Variants in MAPK10 observed in about 807,000 individuals in gnomAD.
MAPK10 encodes the protein JNK3 alpha protein kinase.
In MAPK10, 25 loss-of-function variants were observed where a neutral mutation model predicts 59.3. The ratio of observed to expected loss-of-function variants is 0.42; its 90% confidence interval spans 0.31 to 0.59. The LOEUF is 0.59. Among genes scored for constraint, MAPK10 ranks in the 20% least tolerant of loss-of-function variants. The pLI is 0.15. For synonymous variants in MAPK10, 190 were observed against 200.5 expected (o/e 0.95, Z 0.44); for missense variants, 351 against 568.9 (o/e 0.62, Z 3.90).
intron 2 of MAPK10, among the ~76,000 whole-genome samples, chr4:86,283,344 G>T (rs2094886894): frequency 6.6e-6 from 1 of 152,140 alleles, no homozygotes. Context: ...AAACAAAGCT[G>T]ATCAATATAA....
chr4:86,022,406 T>A (rs779410193), intron 13 of MAPK10, among the ~76,000 whole-genome samples: 1 of 152,154 alleles, frequency 6.6e-6, no homozygotes, highest in Non-Finnish European at 1.5e-5. Flanking sequence ...TTGGAGAAAG[T>A]TTACTCAGCT....
chr4:86,405,673 T>C (rs1210150978), intron 1 of MAPK10, among the ~76,000 whole-genome samples: 1 of 152,232 alleles, frequency 6.6e-6, no homozygotes, highest in Non-Finnish European at 1.5e-5. Context: ...GTGAGCATCG[T>C]ATTTTTCACA....
Position 86,201,809 on chromosome 4 carries a change from G to A in MAPK10, c.-6-7402C>T, listed in dbSNP as rs149274143. Among the ~76,000 whole-genome samples the A allele has an allele frequency of 3.1e-3, 464 of 151,604 alleles. 5 individuals are homozygous for A. Among genetic ancestry groups the A allele is most frequent in the African/African-American group, 0.011 (448 of 41,420 alleles). On this transcript the variant is annotated intron_variant, in intron 2 of 13. Transcript: ENST00000641462. ...TATATTCTTTGTGAAGCTTTAAATCGTCTTTTTCTTCTTCTTTTTTTAGTG... is the reference window on the plus strand; with the variant it reads ...TATATTCTTTGTGAAGCTTTAAATCATCTTTTTCTTCTTCTTTTTTTAGTG...
intron 2 of MAPK10, among the ~76,000 whole-genome samples, chr4:86,339,755 T>C (rs1418375339): frequency 1.3e-5 from 2 of 152,206 alleles, no homozygotes; most frequent in African/African-American, 4.8e-5. Context: ...ATAGTGTATA[T>C]AACATACTTA....
intron 9 of MAPK10, among the ~76,000 whole-genome samples, chr4:86,091,831 G>A (rs961676938): frequency 2.6e-5 from 4 of 151,778 alleles, no homozygotes; most frequent in South Asian, 2.1e-4. Flanking sequence ...ACGCCACCAC[G>A]CCCAGCTAAT....
chr4:86,535,596 C>A (rs1439265322), intron 1 of MAPK10, among the ~76,000 whole-genome samples: 2 of 151,692 alleles, frequency 1.3e-5, no homozygotes, highest in African/African-American at 4.9e-5. Context: ...GGATTACAGG[C>A]ATAAACACCA....
intron 2 of MAPK10, among the ~76,000 whole-genome samples, chr4:86,284,483 G>A (rs555420887): frequency 2.2e-4 from 34 of 152,186 alleles, no homozygotes; most frequent in Middle Eastern, 3.4e-3. Context: ...TATCAGCTTC[G>A]ATGTCATCAT....
intron 1 of MAPK10, among the ~76,000 whole-genome samples, chr4:86,548,040 G>A (rs1263729794): frequency 6.6e-6 from 1 of 152,140 alleles, no homozygotes. Context: ...ACCCGCTCAG[G>A]TCCCCTTCCA....
intron 3 of MAPK10, among the ~76,000 whole-genome samples, chr4:86,159,874 C>G (rs1353191753): frequency 6.6e-6 from 1 of 151,364 alleles, no homozygotes; most frequent in Non-Finnish European, 1.5e-5. Context: ...ACCCATTATA[C>G]CAGTCACATG....
intron 1 of MAPK10, among the ~76,000 whole-genome samples, chr4:86,355,889 A>G (rs1161604908): frequency 6.6e-6 from 1 of 152,202 alleles, no homozygotes; most frequent in Admixed American, 6.5e-5. Flanking sequence ...AGAAGAGGAC[A>G]ATTGCTTTAA....
intron 1 of MAPK10, among the ~76,000 whole-genome samples, chr4:86,374,301 A>C (rs4450887): frequency 0.52 from 78,726 of 151,922 alleles, 22,501 homozygotes; most frequent in South Asian, 0.7. Context: ...GAAATACCTA[A>C]TGTAGATGAT....
At chr4:86,275,375 T>C (rs1358023519) in intron 2 of MAPK10, among the ~76,000 whole-genome samples, 2 of 151,810 alleles carry the variant, frequency 1.3e-5, no homozygotes, top group African/African-American at 4.8e-5. Context: ...AAAGTGAAAA[T>C]TGTGATAAGG....
intron 1 of MAPK10, among the ~76,000 whole-genome samples, chr4:86,460,847 T>C (rs1751669145): frequency 6.6e-6 from 1 of 152,228 alleles, no homozygotes. Flanking sequence ...CTATAATCTA[T>C]AGAAACAATG....
rs529424540 is a variant in MAPK10 at position 86,281,333 on chromosome 4, T to G, written c.-7+73197A>C. The stretch of plus-strand genomic sequence containing the variant: ...GGCCAACATGGTGAAACCTCATCTC[T>G]ACTAAAACTACAAAAAAATTAGCTG... On this transcript the variant is annotated intron_variant, in intron 2 of 13. Coordinates refer to ENST00000641462, the MANE Select transcript of MAPK10 (RefSeq NM_138982.4). 5.9e-5 allele frequency among the ~76,000 whole-genome samples: 9 copies of G among 151,800 alleles called. No homozygotes were observed. The East Asian group carries it at 1.6e-3, about 26-fold the overall frequency.
intron 11 of MAPK10, among the ~76,000 whole-genome samples, chr4:86,047,304 C>T (rs914801697): frequency 8.5e-5 from 13 of 152,064 alleles, no homozygotes; most frequent in African/African-American, 3.1e-4. Context: ...AACATTTGAG[C>T]AGAGATTTGA....
intron 1 of MAPK10, among the ~76,000 whole-genome samples, chr4:86,381,971 T>G (rs1564770248): frequency 6.6e-6 from 1 of 152,054 alleles, no homozygotes; most frequent in Non-Finnish European, 1.5e-5. Context: ...TTGTTTTTCC[T>G]CCCTCCTCAG....
chr4:86,205,566 T>C (rs929176094), intron 2 of MAPK10, among the ~76,000 whole-genome samples: 4 of 151,646 alleles, frequency 2.6e-5, no homozygotes, highest in African/African-American at 9.7e-5. Context: ...AGGTGAAAAA[T>C]TTTAAAAATT....
intron 1 of MAPK10, among the ~76,000 whole-genome samples, chr4:86,539,437 T>C (rs371420938): frequency 4.0e-5 from 6 of 149,492 alleles, no homozygotes; most frequent in Non-Finnish European, 8.9e-5. Flanking sequence ...CAGAGGGAGG[T>C]TGGAATATAA....
chr4:86,168,045 T>G (rs1340476474), intron 3 of MAPK10, among the ~76,000 whole-genome samples: 1 of 152,186 alleles, frequency 6.6e-6, no homozygotes, highest in Non-Finnish European at 1.5e-5. Context: ...TGATAAAAGA[T>G]CAATGTGCAA....
Sources: gnomAD v4.1 joint callset for allele counts (sites outside exome capture counted in the v4.1 genomes callset) on GRCh38, gnomAD v4.1.1 for gene constraint, MANE v1.5 for transcripts, NCBI Gene and HGNC (gene_info 2026-07-23, HGNC 2026-07-21) for gene names.